The following PBRM1 variants were observed in gnomAD, a reference collection of about 807,000 sequenced individuals.
PBRM1 encodes polybromo 1.
PBRM1 carries 27 observed loss-of-function variants against 194.5 expected under a neutral mutation model. That is an observed-to-expected ratio of 0.14 (90% confidence interval 0.10 to 0.19). The LOEUF is 0.19. PBRM1 is among the 10% of genes least tolerant of loss of function. The pLI is 1.00. For synonymous variants in PBRM1, 655 were observed against 693.2 expected (o/e 0.94, Z 0.87); for missense variants, 1,466 against 2,077.2 (o/e 0.71, Z 5.72).
At chr3:52,600,659 G>C (rs1031683819) in intron 17 of PBRM1, among the ~76,000 whole-genome samples, 3 of 152,164 alleles carry the variant, frequency 2.0e-5, no homozygotes, top group South Asian at 4.2e-4. Flanking sequence ...CTTTGTTTTT[G>C]AGACGGAGTC....
chr3:52,592,907 T>A (rs1215400252), intron 17 of PBRM1, among the ~76,000 whole-genome samples: 1 of 152,242 alleles, frequency 6.6e-6, no homozygotes, highest in Non-Finnish European at 1.5e-5. Context: ...TGTTCAGGAA[T>A]TTATCCATTT....
At chr3:52,614,373 CAAAAAAAAAA>C (rs1165930996) in intron 15 of PBRM1, among the ~76,000 whole-genome samples, 3 of 40,920 alleles carry the variant, frequency 7.3e-5, no homozygotes, top group African/African-American at 9.2e-5. Context: ...GATGCTTCAT[CAAAAAAAAAA>C]AAAAAAAAAA....
intron 27 of PBRM1, chr3:52,552,084 C>T (rs1359696565): frequency 6.6e-6 from 1 of 152,162 alleles, no homozygotes; most frequent in African/African-American, 2.4e-5. Context: ...CCCGGATCAC[C>T]AAAGTAGGAT....
At chr3:52,627,327 C>T (rs889851563) in exon 13 of PBRM1, 2 of 1,613,682 alleles carry the variant, frequency 1.2e-6, no homozygotes, top group African/African-American at 2.7e-5. Context: ...CATGCTGTCT[C>T]CGTCCTCGAT....
At chr3:52,605,172 C>G (rs1194121624) in intron 16 of PBRM1, among the ~76,000 whole-genome samples, 1 of 152,132 alleles carries the variant, frequency 6.6e-6, no homozygotes, top group Non-Finnish European at 1.5e-5. Flanking sequence ...GGCGTGATCA[C>G]AGCTCACCAT....
chr3:52,664,998 A>G (rs1003753627), intron 3 of PBRM1, among the ~76,000 whole-genome samples: 2 of 152,210 alleles, frequency 1.3e-5, no homozygotes, highest in Non-Finnish European at 2.9e-5. Context: ...TACAAAATAC[A>G]AAAGAGAAAA....
At chr3:52,585,941 TTTTTG>T (rs981156922) in intron 20 of PBRM1, 17 of 152,196 alleles carry the variant, frequency 1.1e-4, no homozygotes, top group African/African-American at 3.9e-4. Context: ...TTAAAAAAAT[TTTTTG>T]TTTTTTTGAG....
chr3:52,674,408 G>T (rs2154025921), intron 2 of PBRM1, among the ~76,000 whole-genome samples: 1 of 147,092 alleles, frequency 6.8e-6, no homozygotes, highest in East Asian at 2.0e-4. Context: ...TTGAACCTGG[G>T]AAACGGAGGT....
chr3:52,581,990 C>T (rs1468490613), intron 20 of PBRM1, among the ~76,000 whole-genome samples: 3 of 152,024 alleles, frequency 2.0e-5, no homozygotes, highest in East Asian at 3.9e-4. Context: ...CACCTGTAAT[C>T]CCAGCACTTT....
chr3:52,589,282 G>A lies in PBRM1; in HGVS notation c.2780-27C>T, dbSNP rs1314227837. 3.4e-6 allele frequency: 5 copies of A among 1,462,700 alleles called. No individual in the cohort carries two copies. In the South Asian group the frequency reaches 4.3e-5, roughly 12 times the overall value. 90.6% of individuals were successfully genotyped at this position (1,462,700 alleles called of 1,614,324 possible). The stretch of plus-strand genomic sequence containing the variant: ...TTAGGTAAAAAAATAAATAAATAAA[G>A]GAAAAAGGTACTCACCAAAGGGATG... On this transcript the variant is annotated intron_variant, in intron 17 of 29. Coordinates refer to ENST00000296302, the Ensembl canonical transcript of PBRM1.
At chr3:52,568,410 C>T (rs1157945166) in intron 22 of PBRM1, among the ~76,000 whole-genome samples, 1 of 152,160 alleles carries the variant, frequency 6.6e-6, no homozygotes, top group Non-Finnish European at 1.5e-5. Context: ...ATAAACATTG[C>T]AAATATTTTC....
chr3:52,576,456 C>T, intron 22 of PBRM1, 85 bp downstream of exon 24: 2 of 1,050,436 alleles, frequency 1.9e-6, no homozygotes, highest in Non-Finnish European at 2.8e-6. Flanking sequence ...CTATACCTAA[C>T]ACCTAGAACA....
At chr3:52,683,385 A>C (rs866806527), upstream of PBRM1, among the ~76,000 whole-genome samples, 32 of 151,996 alleles carry the variant, frequency 2.1e-4, no homozygotes, top group African/African-American at 4.8e-4. Flanking sequence ...AAAAAAAAAA[A>C]AACAACATAA....
Position 52,650,566 on chromosome 3 carries a change from T to C in PBRM1, c.714+1176A>G, listed in dbSNP as rs943254273. Among the ~76,000 whole-genome samples the C allele has an allele frequency of 9.2e-5, 14 of 152,204 alleles. No individual in the cohort carries two copies. The East Asian group carries it at 2.3e-3, about 25-fold the overall frequency. On this transcript the variant is annotated intron_variant, in intron 6 of 29. Transcript: ENST00000296302. ...TCAGTCTCATTTCTCAATGAAACTA[T>C]GTAACACACTGTTTTCCTTTTTGCC...
chr3:52,672,055 G>A (rs1341064790), intron 2 of PBRM1, among the ~76,000 whole-genome samples: 1 of 152,184 alleles, frequency 6.6e-6, no homozygotes, highest in African/African-American at 2.4e-5. Flanking sequence ...TCCAAAATGG[G>A]TCTCACTGGT....
At position 52,586,898 on chromosome 3, in the gene PBRM1, C is replaced by A. The variant is rs557680465; in HGVS notation, c.3124-210G>T. ...GGAATGGACTTATTATATACACACCCTTTAAATTATAAAAACAAATAATTC... is the reference window on the plus strand; with the variant it reads ...GGAATGGACTTATTATATACACACCATTTAAATTATAAAAACAAATAATTC... On this transcript the variant is annotated intron_variant, in intron 19 of 29. Transcript: ENST00000296302. Among the ~76,000 whole-genome samples, 10 of 152,204 alleles carry A rather than the reference C, an allele frequency of 6.6e-5. 1 individual carries two copies. Among genetic ancestry groups the A allele is most frequent in the African/African-American group, 1.2e-4 (5 of 41,520 alleles).
intron 2 of PBRM1, among the ~76,000 whole-genome samples, chr3:52,674,082 A>G (rs1456652675): frequency 6.6e-6 from 1 of 151,602 alleles, no homozygotes; most frequent in African/African-American, 2.4e-5. Flanking sequence ...ATATATATAT[A>G]GAATGCAGAT....
chr3:52,599,027 A>G (rs958515754), intron 17 of PBRM1, among the ~76,000 whole-genome samples: 6 of 68,514 alleles, frequency 8.8e-5, no homozygotes, highest in Admixed American at 2.2e-4. Flanking sequence ...TCAAAAAAAA[A>G]AAAAAAAAAA....
exon 28 of PBRM1, chr3:52,550,817 C>T (rs2080787823): frequency 2.5e-6 from 4 of 1,603,310 alleles, no homozygotes; most frequent in Non-Finnish European, 3.4e-6. Flanking sequence ...GTTCATCACA[C>T]CTATAATTCA....
Sources: allele counts gnomAD v4.1 joint callset (sites outside exome capture counted in the v4.1 genomes callset), GRCh38; gene constraint gnomAD v4.1.1; transcripts MANE v1.5; gene names NCBI Gene and HGNC (gene_info 2026-07-23, HGNC 2026-07-21).